Variants in OR6B3 observed in about 807,000 individuals in gnomAD.
The protein encoded by OR6B3 is olfactory receptor family 6 subfamily B member 3.
For synonymous variants in OR6B3, 148 were observed against 187.8 expected (o/e 0.79, Z 1.73); for missense variants, 315 against 427.4 (o/e 0.74, Z 2.32).
At chr2:240,047,386 A>G (rs1464264188), upstream of OR6B3, among the ~76,000 whole-genome samples, 1 of 152,226 alleles carries the variant, frequency 6.6e-6, no homozygotes, top group East Asian at 1.9e-4. Flanking sequence ...GTCTGTAGAT[A>G]TGGAATGGTT....
chr2:240,046,151 G>A (rs1311222725), intron 1 of OR6B3, 54 bp from the exon 3 acceptor site: 11 of 1,278,892 alleles, frequency 8.6e-6, no homozygotes, highest in East Asian at 7.2e-5. Context: ...TGGGGCAGAG[G>A]GAGAGTGGAG....
At chr2:240,050,216 A>G (rs1038098945), upstream of OR6B3, among the ~76,000 whole-genome samples, 1 of 152,224 alleles carries the variant, frequency 6.6e-6, no homozygotes, top group African/African-American at 2.4e-5. Flanking sequence ...ATATGCCAAG[A>G]TGCACGACAA....
upstream of OR6B3, among the ~76,000 whole-genome samples, chr2:240,048,826 G>A (rs1446542368): frequency 7.9e-5 from 12 of 152,244 alleles, no homozygotes; most frequent in Admixed American, 2.6e-4. Context: ...GAGAAATTAC[G>A]TATAAAATGT....
chr2:240,050,740 A>AAAAAAAAAAAAAAAAG (rs1559438078), upstream of OR6B3, among the ~76,000 whole-genome samples: 1 of 12,608 alleles, frequency 7.9e-5, no homozygotes, highest in Non-Finnish European at 1.3e-4. Context: ...AAAAAAAAGG[A>AAAAAAAAAAAAAAAAG]AAAAAAAAAA....
exon 2 of OR6B3, chr2:240,045,838 G>C: frequency 6.2e-7 from 1 of 1,611,582 alleles, no homozygotes; most frequent in Non-Finnish European, 8.5e-7. Flanking sequence ...AGCATCTTGG[G>C]GGTGATGTCA....
At chr2:240,047,101 T>G (rs4854049), upstream of OR6B3, 53,410 of 151,566 alleles carry the variant, frequency 0.35, 9,453 homozygotes, top group East Asian at 0.56. Context: ...ATTCAGTTGT[T>G]GGTTGCCCTG....
exon 2 of OR6B3, chr2:240,045,299 C>T (rs1000732670): frequency 1.2e-6 from 2 of 1,614,046 alleles, no homozygotes; most frequent in African/African-American, 2.7e-5. Context: ...GCCGGACATA[C>T]ATGAAAAGCA....
chr2:240,050,160 G>GAA (rs557233508), upstream of OR6B3, among the ~76,000 whole-genome samples: 162 of 151,742 alleles, frequency 1.1e-3, 1 homozygote, highest in African/African-American at 1.8e-3. Flanking sequence ...CCAAGTCATA[G>GAA]AAAAAAAATC....
At chr2:240,045,006 G>A, downstream of OR6B3, 2 of 1,435,350 alleles carry the variant, frequency 1.4e-6, no homozygotes, top group Non-Finnish European at 1.9e-6. Flanking sequence ...TCCTGAAGGA[G>A]AAAAATAGAT....
the OR6B3 span, among the ~76,000 whole-genome samples, chr2:240,053,085 G>A: frequency 2.6e-5 from 4 of 152,188 alleles, no homozygotes; most frequent in Non-Finnish European, 5.9e-5. The surrounding 1 kb of genome is among the most constrained non-coding windows in gnomAD (Gnocchi z 4.1). Context: ...TTACAGGCAT[G>A]AGCCACCGCT....
the OR6B3 span, among the ~76,000 whole-genome samples, chr2:240,052,259 T>C: frequency 6.6e-6 from 1 of 152,144 alleles, no homozygotes. This position sits in a 1 kb window ranked among gnomAD's most constrained non-coding sequence, Gnocchi z 4.5. Flanking sequence ...CCAAATTATA[T>C]TTTTCTTGAA....
chr2:240,050,051 C>T (rs1002160128), upstream of OR6B3, among the ~76,000 whole-genome samples: 9 of 150,240 alleles, frequency 6.0e-5, no homozygotes, highest in Non-Finnish European at 1.3e-4. Context: ...TAAGAAAGCA[C>T]CCCAAACTAA....
exon 2 of OR6B3, chr2:240,045,682 G>A (rs34599221): frequency 0.58 from 771,134 of 1,324,728 alleles, 226,152 homozygotes; most frequent in East Asian, 0.74. Flanking sequence ...ACGTGGTAGC[G>A]CAGCGGGTGG....
At chr2:240,045,347 G>A (rs765526474) in exon 2 of OR6B3, 7 of 1,614,220 alleles carry the variant, frequency 4.3e-6, no homozygotes, top group Non-Finnish European at 5.9e-6. Flanking sequence ...TGAGGTGAGA[G>A]GCGCAGGTGA....
chr2:240,052,980 T>A, the OR6B3 span, among the ~76,000 whole-genome samples: 1 of 152,126 alleles, frequency 6.6e-6, no homozygotes, highest in African/African-American at 2.4e-5. This position sits in a 1 kb window ranked among gnomAD's most constrained non-coding sequence, Gnocchi z 4.5. Context: ...TTGTGTCTGT[T>A]TTAGTAGAGA....
At chr2:240,053,009 G>C in the OR6B3 span, among the ~76,000 whole-genome samples, 8 of 152,058 alleles carry the variant, frequency 5.3e-5, no homozygotes, top group East Asian at 1.2e-3. The surrounding 1 kb of genome is among the most constrained non-coding windows in gnomAD (Gnocchi z 4.1). Flanking sequence ...CGCCATGTTG[G>C]CCAGGCTGGT....
At chr2:240,053,483 C>T in the OR6B3 span, among the ~76,000 whole-genome samples, 16 of 152,264 alleles carry the variant, frequency 1.1e-4, no homozygotes, top group East Asian at 3.9e-4. This position sits in a 1 kb window ranked among gnomAD's most constrained non-coding sequence, Gnocchi z 4.1. Flanking sequence ...CAGGGCAGGG[C>T]GCGAGGCAGG....
chr2:240,045,228 G>T lies in OR6B3; in HGVS notation c.845C>A (p.Thr282Asn). ...GTATATCAAGGGGTTCAAGATGGGG[G>T]TGATAACTGTGTACAAAACAGAGAT... The change falls in exon 2 of 2, where the codon ACC (threonine) becomes AAC (asparagine). Residue 282 changes from threonine (T) to asparagine (N), a missense_variant. By Grantham distance (65) the Thr-to-Asn change is moderately conservative. Transcript: ENST00000641019. 3.7e-6 allele frequency: 6 copies of T among 1,614,176 alleles called. No individual in the cohort carries two copies. Among genetic ancestry groups the T allele is most frequent in the Non-Finnish European group, 4.2e-6 (5 of 1,180,024 alleles).
chr2:240,044,965 C>A (rs1408434458), downstream of OR6B3: 2 of 914,522 alleles, frequency 2.2e-6, no homozygotes, highest in African/African-American at 1.7e-5. Context: ...AACAACAATA[C>A]CTATGCTATT....
Sources: allele counts gnomAD v4.1 joint callset (sites outside exome capture counted in the v4.1 genomes callset), GRCh38; gene constraint gnomAD v4.1.1; non-coding constraint Gnocchi (gnomAD v3.1); transcripts MANE v1.5; gene names NCBI Gene and HGNC (gene_info 2026-07-23, HGNC 2026-07-21).